Variants in DCLK2 observed in about 807,000 individuals in gnomAD.
DCLK2 encodes the protein doublecortin like kinase 2.
DCLK2 carries 31 observed loss-of-function variants against 78.4 expected under a neutral mutation model. The observed-to-expected ratio is 0.40, with a 90% confidence interval of 0.30 to 0.53. DCLK2 has a LOEUF of 0.53. Ranked by LOEUF, DCLK2 falls within the 20% of genes least tolerant of loss-of-function variation. DCLK2 has a pLI of 0.61. For missense variants in DCLK2, 872 were observed against 973.7 expected (o/e 0.90, Z 1.39); for synonymous variants, 407 against 374.9 (o/e 1.09, Z -0.99).
Position 150,198,008 on chromosome 4 carries a change from G to A in DCLK2, c.866G>A (p.Arg289His), listed in dbSNP as rs201773968. ...CACTTTTGTTCTTTTCTAGAATGTC[G>A]TGTCCTGAAGTCATCTTATTCTCGA... ...DDFVLDHSECRVLKSSYSRSS... is the reference protein window; with the variant it reads ...DDFVLDHSECHVLKSSYSRSS... The change falls in exon 4 of 16, where the codon CGT becomes CAT. Residue 289 changes from arginine (R) to histidine (H), a missense_variant. By Grantham distance (29) the Arg-to-His change is conservative. This residue lies in a region of DCLK2 where 567 missense variants were observed against 593.4 expected (regional missense o/e 0.96). Coordinates refer to ENST00000296550, the MANE Select transcript of DCLK2 (RefSeq NM_001040260.4). 107 of 1,609,612 alleles carry A rather than the reference G, an allele frequency of 6.6e-5. No homozygotes were observed. Among genetic ancestry groups the A allele is most frequent in the South Asian group, 1.1e-4 (10 of 89,872 alleles).
intron 8 of DCLK2, among the ~76,000 whole-genome samples, chr4:150,227,215 T>C (rs1345963014): frequency 6.6e-6 from 1 of 152,244 alleles, no homozygotes; most frequent in African/African-American, 2.4e-5. Context: ...TTTATTCATT[T>C]CTTCAGGTAA....
At chr4:150,213,064 G>T (rs1353325186) in intron 5 of DCLK2, among the ~76,000 whole-genome samples, 1 of 152,174 alleles carries the variant, frequency 6.6e-6, no homozygotes, top group African/African-American at 2.4e-5. Context: ...CTGTCTGTTG[G>T]TCACAATCCA....
At chr4:150,164,137 C>T (rs933803552) in intron 2 of DCLK2, among the ~76,000 whole-genome samples, 2 of 152,204 alleles carry the variant, frequency 1.3e-5, no homozygotes, top group African/African-American at 4.8e-5. Context: ...AGTTGACCCT[C>T]AGTTTTCCTT....
intron 2 of DCLK2, among the ~76,000 whole-genome samples, chr4:150,130,070 G>C (rs1463738340): frequency 6.6e-6 from 1 of 152,076 alleles, no homozygotes; most frequent in African/African-American, 2.4e-5. Context: ...TTAAATTCGT[G>C]GATGTTTTGC....
At chr4:150,159,362 T>C (rs1735541275) in intron 2 of DCLK2, among the ~76,000 whole-genome samples, 1 of 152,224 alleles carries the variant, frequency 6.6e-6, no homozygotes. Context: ...TGCTGCACCA[T>C]TGCATCTGCC....
At position 150,232,707 on chromosome 4, in the gene DCLK2, C is replaced by T; in HGVS notation, c.1445C>T (p.Thr482Ile). 1 of 1,612,084 alleles carries T rather than the reference C, an allele frequency of 6.2e-7. No individual in the cohort carries two copies. The highest frequency in any genetic ancestry group is 8.5e-7 in the Non-Finnish European group (1 of 1,179,232). Residue 482 changes from threonine to isoleucine, a missense_variant, in exon 10 of 16, where the codon ACT (threonine) becomes ATT (isoleucine). By Grantham distance (89) the Thr-to-Ile change is moderately conservative. Transcript: ENST00000296550. ...VKGGDLFDAI[T>I]SSTKYTERDG... ...GGTGGAGATCTCTTTGATGCAATTA[C>T]TTCGTCGACCAAGTACACTGAGAGA...
At chr4:150,145,012 GT>G (rs1160400251) in intron 2 of DCLK2, among the ~76,000 whole-genome samples, 2 of 152,094 alleles carry the variant, frequency 1.3e-5, no homozygotes, top group African/African-American at 4.8e-5. Flanking sequence ...AGAGTGAGAT[GT>G]TTTTCCTTTT....
At chr4:150,157,498 T>C (rs1475965630) in intron 2 of DCLK2, among the ~76,000 whole-genome samples, 1 of 78,510 alleles carries the variant, frequency 1.3e-5, no homozygotes, top group Non-Finnish European at 3.0e-5. Context: ...TTTTTGTTTG[T>C]TTGTTTGTTT....
At chr4:150,182,593 C>T (rs1737613005) in intron 2 of DCLK2, among the ~76,000 whole-genome samples, 1 of 152,046 alleles carries the variant, frequency 6.6e-6, no homozygotes, top group South Asian at 2.1e-4. Flanking sequence ...GTGGTATGTT[C>T]TTTACATCTT....
chr4:150,230,134 A>T (rs545964227), intron 8 of DCLK2, among the ~76,000 whole-genome samples: 2 of 152,330 alleles, frequency 1.3e-5, no homozygotes, highest in South Asian at 4.1e-4. Flanking sequence ...TGCTTAGAAT[A>T]TTAGCCATTG....
In DCLK2 at chr4:150,102,743, A is replaced by G. The variant is rs1246189858; in HGVS notation, c.687A>G (p.Thr229=). The G allele has an allele frequency of 1.9e-6, 3 of 1,614,058 alleles. No homozygotes were observed. The highest frequency in any genetic ancestry group is 2.5e-6 in the Non-Finnish European group (3 of 1,180,020). ...CTCATTCCTTTGAACAAGTCTTAAC[A>G]GATATCACCGAAGCCATTAAACTAG... is the stretch of plus-strand genomic sequence containing the variant. ...KTAHSFEQVL[T]DITEAIKLDS... The change falls in exon 2 of 16, where the codon ACA becomes ACG. Residue 229 remains threonine, a synonymous_variant. Transcript: ENST00000296550.
At chr4:150,143,709 C>CAGAGAA (rs1734260568) in intron 2 of DCLK2, among the ~76,000 whole-genome samples, 2 of 152,116 alleles carry the variant, frequency 1.3e-5, no homozygotes, top group African/African-American at 4.8e-5. Flanking sequence ...TGCATCCATG[C>CAGAGAA]CAACATCTGT....
intron 2 of DCLK2, among the ~76,000 whole-genome samples, chr4:150,135,187 C>CACAG (rs1182109196): frequency 6.6e-6 from 1 of 151,974 alleles, no homozygotes; most frequent in Admixed American, 6.6e-5. Flanking sequence ...CACACACACA[C>CACAG]ACACACTGTC....
At chr4:150,081,520 T>G (rs1361689778) in intron 1 of DCLK2, among the ~76,000 whole-genome samples, 1 of 111,734 alleles carries the variant, frequency 8.9e-6, no homozygotes, top group Non-Finnish European at 2.4e-5. Flanking sequence ...ACAGCCAAAA[T>G]TTTTTTTATG....
chr4:150,147,175 A>G (rs1734539923), intron 2 of DCLK2, among the ~76,000 whole-genome samples: 2 of 152,208 alleles, frequency 1.3e-5, no homozygotes, highest in Non-Finnish European at 2.9e-5. Context: ...TGCCATGCCT[A>G]TAGTCCCACC....
chr4:150,147,401 T>G (rs1174771692), intron 2 of DCLK2, among the ~76,000 whole-genome samples: 1 of 152,076 alleles, frequency 6.6e-6, no homozygotes, highest in Non-Finnish European at 1.5e-5. Context: ...GGGCCTGGAG[T>G]TTAGTTACCT....
chr4:150,226,372 C>T (rs72951541), intron 8 of DCLK2, among the ~76,000 whole-genome samples: 2 of 151,670 alleles, frequency 1.3e-5, no homozygotes, highest in Non-Finnish European at 2.9e-5. Flanking sequence ...ATTGTTCTAG[C>T]GATATTACTA....
At chr4:150,247,797 C>A in intron 13 of DCLK2, 98 bp downstream of exon 13, 1 of 933,570 alleles carries the variant, frequency 1.1e-6, no homozygotes. Flanking sequence ...TTCCAGAAAG[C>A]TCCTTGGCTT....
intron 2 of DCLK2, among the ~76,000 whole-genome samples, chr4:150,151,368 A>C (rs903615310): frequency 1.3e-5 from 2 of 152,216 alleles, no homozygotes; most frequent in African/African-American, 4.8e-5. Flanking sequence ...TTCACATCAC[A>C]TATTGGGACA....
Sources: gnomAD v4.1 joint callset for allele counts (sites outside exome capture counted in the v4.1 genomes callset) on GRCh38, gnomAD v4.1.1 for gene constraint, gnomAD v4.1.1 regional missense constraint, MANE v1.5 for transcripts, NCBI Gene and HGNC (gene_info 2026-07-23, HGNC 2026-07-21) for gene names.